Variants in KIAA1328 observed in about 807,000 individuals in gnomAD.
KIAA1328 encodes KIAA1328, also known as protein hinderin.
A neutral mutation model predicts 68.1 loss-of-function variants in KIAA1328; 52 were observed. The ratio of observed to expected loss-of-function variants is 0.76; its 90% CI spans 0.61 to 0.96. KIAA1328 has a LOEUF of 0.96. Ranked by LOEUF, KIAA1328 falls within the 40% of genes least tolerant of loss-of-function variation. The pLI is 0.00. For missense variants in KIAA1328, 641 were observed against 677.6 expected, an observed-to-expected ratio of 0.95 and a Z score of 0.60; for synonymous variants, 232 against 239.4, an observed-to-expected ratio of 0.97 and a Z score of 0.28.
chr18:37,143,509 C>CTT (rs957347779), intron 7 of KIAA1328, among the ~76,000 whole-genome samples: 1 of 115,580 alleles, frequency 8.7e-6, no homozygotes, highest in African/African-American at 3.9e-5. Context: ...AGCTTTATGC[C>CTT]TTTTTTTCTT....
At chr18:37,136,934 G>A (rs1176466933) in intron 7 of KIAA1328, among the ~76,000 whole-genome samples, 2 of 152,182 alleles carry the variant, frequency 1.3e-5, no homozygotes, top group Non-Finnish European at 2.9e-5. Context: ...CTACAGTAGA[G>A]TGTTTTATTT....
chr18:37,119,427 T>C (rs2058210211), intron 7 of KIAA1328, among the ~76,000 whole-genome samples: 1 of 152,094 alleles, frequency 6.6e-6, no homozygotes, highest in Non-Finnish European at 1.5e-5. Context: ...GTTAGGCAGG[T>C]TGGAAGTACA....
chr18:37,049,190 A>C (rs1365324562), intron 6 of KIAA1328, among the ~76,000 whole-genome samples: 1 of 152,214 alleles, frequency 6.6e-6, no homozygotes, highest in African/African-American at 2.4e-5. Context: ...TAGAGATGTG[A>C]AAACAGCTAA....
At chr18:36,976,750 T>TA (rs1239699635) in intron 6 of KIAA1328, among the ~76,000 whole-genome samples, 14 of 152,162 alleles carry the variant, frequency 9.2e-5, no homozygotes, top group African/African-American at 3.4e-4. Flanking sequence ...GATTTGATGT[T>TA]ATCTAAGATT....
rs573594705 is a variant in KIAA1328, at chr18:36,876,427, A to G, written c.333-9130A>G. On this transcript the variant is annotated intron_variant, in intron 4 of 9. Coordinates refer to ENST00000280020, the MANE Select transcript of KIAA1328 (RefSeq NM_020776.3). ...GGAAGGTGTATGTGTCTAGGAATTTATCCATTTCTTCTAGATTTTCTAGTG... is the reference window on the plus strand; with the variant it reads ...GGAAGGTGTATGTGTCTAGGAATTTGTCCATTTCTTCTAGATTTTCTAGTG... Among the ~76,000 whole-genome samples, 159 of 152,178 alleles carry G rather than the reference A, an allele frequency of 1.0e-3. 2 individuals are homozygous for G. Among genetic ancestry groups the G allele is most frequent in the African/African-American group, 3.8e-3 (157 of 41,522 alleles).
chr18:36,848,541 CT>C (rs59271370), intron 4 of KIAA1328, among the ~76,000 whole-genome samples: 424 of 38,140 alleles, frequency 0.011, no homozygotes, highest in Non-Finnish European at 0.016. Context: ...TCTATAGATG[CT>C]TTTTTTTTTT....
chr18:37,140,398 A>G (rs1345249111), intron 7 of KIAA1328, among the ~76,000 whole-genome samples: 3 of 152,160 alleles, frequency 2.0e-5, no homozygotes, highest in Non-Finnish European at 2.9e-5. Context: ...GCAAATACAT[A>G]TGGTATTCAA....
intron 6 of KIAA1328, among the ~76,000 whole-genome samples, chr18:37,052,018 G>C (rs757042674): frequency 6.6e-6 from 1 of 151,682 alleles, no homozygotes; most frequent in African/African-American, 2.4e-5. Flanking sequence ...CTTTGGCCTA[G>C]GTGACACAGC....
intron 7 of KIAA1328, among the ~76,000 whole-genome samples, chr18:37,090,951 C>T (rs2057249870): frequency 6.6e-6 from 1 of 151,948 alleles, no homozygotes; most frequent in South Asian, 2.1e-4. Context: ...TTGAAATAGC[C>T]TCAATTGAAG....
rs146748266 is a variant in KIAA1328 at position 37,170,135 on chromosome 18, A to G, written c.1415-2838A>G. On this transcript the variant is annotated intron_variant, in intron 8 of 9. Transcript: ENST00000280020. ...GAACTGCTTTGCCTGACTTTGTTCT[A>G]TCTGTTCCACTCTATTCTAAATTCT... Among the ~76,000 whole-genome samples, 49 of 152,246 alleles carry G rather than the reference A, an allele frequency of 3.2e-4. No individual in the cohort carries two copies. In the East Asian group the frequency reaches 7.5e-3, roughly 23 times the overall value.
intron 7 of KIAA1328, among the ~76,000 whole-genome samples, chr18:37,096,381 T>C (rs1394728388): frequency 6.6e-6 from 1 of 152,202 alleles, no homozygotes; most frequent in East Asian, 1.9e-4. Context: ...TCCAGCTTCA[T>C]CCATGTCCCT....
intron 6 of KIAA1328, among the ~76,000 whole-genome samples, chr18:37,057,042 A>T (rs920658188): frequency 6.6e-6 from 1 of 152,168 alleles, no homozygotes; most frequent in Non-Finnish European, 1.5e-5. Context: ...TTGTTTTTGT[A>T]GCCTATGTAT....
At position 36,829,176 on chromosome 18, in the gene KIAA1328, C is replaced by T; in HGVS notation, c.38C>T (p.Ala13Val). 1 of 1,532,924 alleles carries T rather than the reference C, an allele frequency of 6.5e-7. No homozygotes were observed. The highest frequency in any genetic ancestry group is 8.8e-7 in the Non-Finnish European group (1 of 1,142,246). 95.0% of individuals were successfully genotyped at this position (1,532,924 alleles called of 1,614,324 possible). ...GCGGGCCCCTCCCGCCCCAGTGCCG[C>T]GGCGTTCTGGAGCCGGGACTGTATC... is the stretch of plus-strand genomic sequence containing the variant. ...DVAGPSRPSAAAFWSRDFSDE... is the reference protein window; with the variant it reads ...DVAGPSRPSAVAFWSRDFSDE... Residue 13 changes from alanine to valine, a missense_variant, in exon 1 of 10, where the codon GCG becomes GTG. Ala to Val is a moderately conservative substitution (Grantham distance 64). Transcript: ENST00000280020.
At chr18:37,199,896 T>C (rs533960805) in intron 9 of KIAA1328, among the ~76,000 whole-genome samples, 1 of 152,368 alleles carries the variant, frequency 6.6e-6, no homozygotes, top group East Asian at 1.9e-4. Flanking sequence ...GTATGTCTTC[T>C]TTTGAGAAGT....
At chr18:37,177,224 A>C (rs1253700173) in intron 9 of KIAA1328, among the ~76,000 whole-genome samples, 1 of 129,402 alleles carries the variant, frequency 7.7e-6, no homozygotes, top group East Asian at 2.3e-4. Flanking sequence ...GATCTGATAC[A>C]TTTTATATTA....
intron 6 of KIAA1328, among the ~76,000 whole-genome samples, chr18:37,045,383 T>G (rs2055426089): frequency 2.6e-5 from 4 of 152,130 alleles, no homozygotes; most frequent in Admixed American, 2.6e-4. Flanking sequence ...TTTAAGGTCT[T>G]TCTGTATAAA....
intron 6 of KIAA1328, among the ~76,000 whole-genome samples, chr18:37,033,610 T>C (rs1325877527): frequency 1.3e-5 from 2 of 152,182 alleles, no homozygotes; most frequent in Non-Finnish European, 2.9e-5. Context: ...AACTCCCTGG[T>C]AACAACAATT....
At chr18:37,202,182 T>A (rs1166257552) in intron 9 of KIAA1328, among the ~76,000 whole-genome samples, 2 of 152,160 alleles carry the variant, frequency 1.3e-5, no homozygotes, top group African/African-American at 4.8e-5. Flanking sequence ...TGCTTTAAGC[T>A]ATGAATGGCT....
chr18:36,998,406 G>A (rs2053472603), intron 6 of KIAA1328, among the ~76,000 whole-genome samples: 1 of 152,142 alleles, frequency 6.6e-6, no homozygotes, highest in Admixed American at 6.5e-5. Context: ...AATCACCCAG[G>A]CCTACCTGTC....
Sources: gnomAD v4.1 joint callset for allele counts (sites outside exome capture counted in the v4.1 genomes callset) on GRCh38, gnomAD v4.1.1 for gene constraint, MANE v1.5 for transcripts, NCBI Gene and HGNC (gene_info 2026-07-23, HGNC 2026-07-21) for gene names.